PDSS2: variants seen among roughly 807,000 people sequenced by gnomAD.
The protein encoded by PDSS2 is decaprenyl diphosphate synthase subunit 2, also known as all trans-polyprenyl-diphosphate synthase PDSS2.
A neutral mutation model predicts 44.5 loss-of-function variants in PDSS2; 31 were observed. That is an observed-to-expected ratio of 0.70 (90% CI 0.52 to 0.94). The LOEUF (loss-of-function observed/expected upper bound fraction) is 0.94. Ranked by LOEUF, PDSS2 falls within the 40% of genes least tolerant of loss-of-function variation. The pLI is 0.00. For synonymous variants in PDSS2, 157 were observed against 180.3 expected, an observed-to-expected ratio of 0.87 and a Z score of 1.03; for missense variants, 452 against 482.2, an observed-to-expected ratio of 0.94 and a Z score of 0.59.
chr6:107,323,803 A>G (rs1777456309), intron 2 of PDSS2, among the ~76,000 whole-genome samples: 2 of 152,232 alleles, frequency 1.3e-5, no homozygotes, highest in Admixed American at 6.5e-5. Context: ...CAGTCAACAT[A>G]CAGCCCTTCT....
intron 6 of PDSS2, among the ~76,000 whole-genome samples, chr6:107,194,848 G>A (rs1483081858): frequency 6.6e-6 from 1 of 152,118 alleles, no homozygotes; most frequent in Non-Finnish European, 1.5e-5. Context: ...CTACTCAGAA[G>A]GCTGAGGAGA....
chr6:107,264,528 A>C (rs1775350019), intron 3 of PDSS2: 1 of 1,418,386 alleles, frequency 7.1e-7, no homozygotes, highest in Middle Eastern at 1.8e-4. Flanking sequence ...AAGAAAAAAA[A>C]ATAACGTGAT....
chr6:107,259,051 A>C (rs138055300), intron 3 of PDSS2, among the ~76,000 whole-genome samples: 1 of 152,318 alleles, frequency 6.6e-6, no homozygotes, highest in East Asian at 1.9e-4. Context: ...TGTTACCTTG[A>C]GGGAAATTAC....
intron 7 of PDSS2, among the ~76,000 whole-genome samples, chr6:107,164,439 A>G (rs1554247210): frequency 6.6e-6 from 1 of 152,134 alleles, no homozygotes; most frequent in East Asian, 1.9e-4. Flanking sequence ...TCCTTGTGAC[A>G]GTTTGCTGAG....
chr6:107,300,226 G>T (rs932505301), intron 2 of PDSS2, among the ~76,000 whole-genome samples: 4 of 152,128 alleles, frequency 2.6e-5, no homozygotes, highest in African/African-American at 9.7e-5. Flanking sequence ...TGCAGTCCAT[G>T]ACTAAGATCT....
At chr6:107,296,669 G>C (rs1482958896) in intron 2 of PDSS2, among the ~76,000 whole-genome samples, 2 of 152,238 alleles carry the variant, frequency 1.3e-5, no homozygotes, top group East Asian at 3.8e-4. Context: ...GGAGGTTGCA[G>C]TGAGCCAAGA....
chr6:107,207,212 T>A (rs1246332163), intron 6 of PDSS2, among the ~76,000 whole-genome samples: 1 of 152,072 alleles, frequency 6.6e-6, no homozygotes, highest in Non-Finnish European at 1.5e-5. Context: ...CAGGATGGTC[T>A]CGATTTCCTG....
chr6:107,427,735 T>G (rs1411864501), intron 1 of PDSS2, among the ~76,000 whole-genome samples: 1 of 152,220 alleles, frequency 6.6e-6, no homozygotes, highest in African/African-American at 2.4e-5. Context: ...TTTCTTATAT[T>G]TTTGGAGGTT....
intron 1 of PDSS2, among the ~76,000 whole-genome samples, chr6:107,388,004 T>A (rs1468972952): frequency 1.3e-5 from 2 of 152,214 alleles, no homozygotes; most frequent in Non-Finnish European, 2.9e-5. Flanking sequence ...TATTTTAGTA[T>A]AATTATCTAT....
intron 4 of PDSS2, among the ~76,000 whole-genome samples, chr6:107,212,577 T>C (rs535567776): frequency 1.3e-5 from 2 of 152,284 alleles, no homozygotes; most frequent in East Asian, 3.9e-4. Context: ...GTAGAAAGAC[T>C]TCAAACTAAC....
At chr6:107,166,985 G>A (rs149079342) in intron 7 of PDSS2, among the ~76,000 whole-genome samples, 4,751 of 152,186 alleles carry the variant, frequency 0.031, 265 homozygotes, top group African/African-American at 0.11. Flanking sequence ...GATAATGCTG[G>A]CCTCATAAAA....
At chr6:107,350,588 G>T (rs1296107872) in intron 1 of PDSS2, among the ~76,000 whole-genome samples, 1 of 152,156 alleles carries the variant, frequency 6.6e-6, no homozygotes, top group Non-Finnish European at 1.5e-5. Context: ...GAGGGAGAAG[G>T]CCAGGATTTG....
intron 1 of PDSS2, among the ~76,000 whole-genome samples, chr6:107,409,759 G>C (rs1025988477): frequency 6.6e-6 from 1 of 152,200 alleles, no homozygotes; most frequent in Non-Finnish European, 1.5e-5. Flanking sequence ...TATCTGCAAA[G>C]TAGACACGGT....
intron 4 of PDSS2, among the ~76,000 whole-genome samples, chr6:107,244,461 G>A (rs1210155195): frequency 6.6e-6 from 1 of 152,134 alleles, no homozygotes; most frequent in Non-Finnish European, 1.5e-5. Flanking sequence ...CCATAGTAGT[G>A]AACTTGCATG....
intron 2 of PDSS2, among the ~76,000 whole-genome samples, chr6:107,323,530 A>C (rs1777448213): frequency 6.6e-6 from 1 of 152,206 alleles, no homozygotes; most frequent in Non-Finnish European, 1.5e-5. Context: ...ATAGCTAATC[A>C]ATTGCAGAAT....
chr6:107,299,128 C>T (rs1250267164), intron 2 of PDSS2, among the ~76,000 whole-genome samples: 2 of 75,108 alleles, frequency 2.7e-5, no homozygotes, highest in African/African-American at 1.0e-4. Flanking sequence ...GTCTGGGTGA[C>T]AAAGTGAGAC....
At position 107,212,246 on chromosome 6, in the gene PDSS2, A is replaced by C; in HGVS notation, c.739T>G (p.Trp247Gly). ...TGGGAGAGAAAAGTCTGCTCCTTCC[A>C]AGTCGATATTCCAATATCATCTGTG... ...YITDDIGIST[W>G]KEQTFLSHGA... The change falls in exon 5 of 8, where the codon TGG (tryptophan) becomes GGG (glycine). Residue 247 changes from tryptophan (W) to glycine (G), a missense_variant. Trp to Gly is a radical substitution (Grantham distance 184, BLOSUM62 -2). Transcript: ENST00000369037. 2 of 1,613,846 alleles carry C rather than the reference A, an allele frequency of 1.2e-6. No homozygotes were observed. Among genetic ancestry groups the C allele is most frequent in the Non-Finnish European group, 1.7e-6 (2 of 1,179,826 alleles).
At chr6:107,377,293 C>T (rs1193675325) in intron 1 of PDSS2, among the ~76,000 whole-genome samples, 3 of 152,178 alleles carry the variant, frequency 2.0e-5, no homozygotes, top group Non-Finnish European at 2.9e-5. Context: ...AAAAAATGCT[C>T]ATCACTGGCC....
At chr6:107,440,892 G>C (rs910500438) in intron 1 of PDSS2, among the ~76,000 whole-genome samples, 1 of 152,206 alleles carries the variant, frequency 6.6e-6, no homozygotes, top group African/African-American at 2.4e-5. Context: ...TTAGGATGAA[G>C]AAGGTGTAAC....
Sources: allele counts gnomAD v4.1 joint callset (sites outside exome capture counted in the v4.1 genomes callset), GRCh38; gene constraint gnomAD v4.1.1; transcripts MANE v1.5; gene names NCBI Gene and HGNC (gene_info 2026-07-23, HGNC 2026-07-21).